Variants in TXK observed in about 807,000 individuals in gnomAD.
TXK encodes the protein TXK tyrosine kinase, also known as tyrosine-protein kinase TXK.
TXK carries 60 observed loss-of-function variants against 81.0 expected under a neutral mutation model. The observed-to-expected ratio is 0.74, with a 90% CI of 0.60 to 0.92. The LOEUF is 0.92. TXK is among the 40% of genes least tolerant of loss of function. The pLI, the probability that TXK is intolerant of heterozygous loss-of-function variation, is 0.00. For synonymous variants in TXK, 203 were observed against 210.7 expected, an observed-to-expected ratio of 0.96 and a Z score of 0.32; for missense variants, 581 against 638.3, an observed-to-expected ratio of 0.91 and a Z score of 0.97.
At chr4:48,125,020 GC>G (rs1288548202) in intron 1 of TXK, among the ~76,000 whole-genome samples, 16 of 152,262 alleles carry the variant, frequency 1.1e-4, no homozygotes, top group African/African-American at 3.9e-4. Flanking sequence ...TACCAACACA[GC>G]CCTTACCATA....
chr4:48,086,130 G>A (rs922900195), intron 10 of TXK, among the ~76,000 whole-genome samples: 5 of 152,206 alleles, frequency 3.3e-5, no homozygotes, highest in Admixed American at 2.0e-4. Context: ...AGCACACAGC[G>A]GCTGAGTAAA....
chr4:48,070,893 C>CT (rs11309334), intron 14 of TXK, among the ~76,000 whole-genome samples: 1,947 of 84,294 alleles, frequency 0.023, 17 homozygotes, highest in Non-Finnish European at 0.031. Context: ...TCATTTAATT[C>CT]TTTTTTTTTT....
chr4:48,071,736 G>T, intron 13 of TXK, 62 bp from the exon 14 acceptor site: 1 of 1,571,628 alleles, frequency 6.4e-7, no homozygotes, highest in Non-Finnish European at 8.7e-7. Flanking sequence ...GGAACTGAAA[G>T]AACAATTTCA....
At chr4:48,125,352 A>T (rs1719061205) in intron 1 of TXK, among the ~76,000 whole-genome samples, 1 of 152,200 alleles carries the variant, frequency 6.6e-6, no homozygotes, top group Non-Finnish European at 1.5e-5. Context: ...GCAACTATTT[A>T]TTGGGTACTC....
chr4:48,132,707 T>A (rs1380436181), intron 1 of TXK, among the ~76,000 whole-genome samples: 3 of 152,134 alleles, frequency 2.0e-5, no homozygotes, highest in Non-Finnish European at 2.9e-5. Flanking sequence ...CCCAGCACTT[T>A]GGGAGGCTGA....
At chr4:48,134,129 T>C (rs1719318381) in intron 1 of TXK, 26 bp downstream of exon 1, 2 of 1,611,798 alleles carry the variant, frequency 1.2e-6, no homozygotes, top group Non-Finnish European at 1.7e-6. Flanking sequence ...GCCCCAAAAA[T>C]AAATGACAAA....
intron 10 of TXK, among the ~76,000 whole-genome samples, chr4:48,083,722 A>G (rs1429180657): frequency 6.6e-6 from 1 of 152,188 alleles, no homozygotes; most frequent in African/African-American, 2.4e-5. Context: ...TCCTTTTAAC[A>G]CTCACCAGGT....
At chr4:48,098,179 T>C (rs1484470690) in intron 6 of TXK, among the ~76,000 whole-genome samples, 1 of 152,158 alleles carries the variant, frequency 6.6e-6, no homozygotes, top group Non-Finnish European at 1.5e-5. Flanking sequence ...TCAGTTTGTA[T>C]GTAAAAAATG....
intron 1 of TXK, among the ~76,000 whole-genome samples, chr4:48,115,674 C>T (rs941517376): frequency 6.6e-6 from 1 of 151,968 alleles, no homozygotes; most frequent in African/African-American, 2.4e-5. Flanking sequence ...TGGCAGAACC[C>T]CATGTCTACC....
intron 1 of TXK, among the ~76,000 whole-genome samples, chr4:48,128,449 A>C (rs1719150538): frequency 6.6e-6 from 1 of 151,682 alleles, no homozygotes; most frequent in Non-Finnish European, 1.5e-5. Flanking sequence ...CTGGGTGACC[A>C]GAGCTGATTC....
chr4:48,072,437 G>A (rs1290005972), intron 13 of TXK, among the ~76,000 whole-genome samples: 3 of 152,192 alleles, frequency 2.0e-5, no homozygotes, highest in Non-Finnish European at 4.4e-5. Flanking sequence ...GCCAGTAAAT[G>A]GCATGTGTCC....
intron 11 of TXK, among the ~76,000 whole-genome samples, chr4:48,078,936 AAAG>A (rs374672898): frequency 3.3e-5 from 5 of 152,362 alleles, no homozygotes; most frequent in Non-Finnish European, 2.9e-5. Flanking sequence ...GGAAGGAAAG[AAAG>A]AAGAAGGAAG....
intron 1 of TXK, among the ~76,000 whole-genome samples, chr4:48,129,381 G>A (rs1463639425): frequency 1.3e-5 from 2 of 152,092 alleles, no homozygotes; most frequent in East Asian, 1.9e-4. Flanking sequence ...CTTAAAGAAG[G>A]GAGGATAACT....
chr4:48,094,004 C>T (rs1007215815), intron 8 of TXK, 73 bp downstream of exon 8: 20 of 1,582,680 alleles, frequency 1.3e-5, no homozygotes, highest in Non-Finnish European at 1.6e-5. Flanking sequence ...CTGTTGAGTG[C>T]CTGATACCAA....
chr4:48,081,022 A>G (rs1052076703), intron 10 of TXK, among the ~76,000 whole-genome samples: 1 of 152,122 alleles, frequency 6.6e-6, no homozygotes, highest in Non-Finnish European at 1.5e-5. Flanking sequence ...ACTCATTACC[A>G]TAAAATTAGC....
intron 13 of TXK, among the ~76,000 whole-genome samples, chr4:48,072,022 C>T (rs1716882036): frequency 6.8e-6 from 1 of 147,936 alleles, no homozygotes; most frequent in South Asian, 2.1e-4. Context: ...GGCATGATCT[C>T]AGCTCACTGC....
chr4:48,094,703 A>G (rs1245641892), intron 7 of TXK, among the ~76,000 whole-genome samples: 1 of 152,194 alleles, frequency 6.6e-6, no homozygotes, highest in East Asian at 1.9e-4. Context: ...TTTATCCACC[A>G]ACTCCCATTC....
intron 13 of TXK, 126 bp from the exon 14 acceptor site, chr4:48,071,800 T>A: frequency 2.9e-6 from 3 of 1,032,990 alleles, no homozygotes; most frequent in Non-Finnish European, 4.2e-6. Flanking sequence ...CCATCCTGAA[T>A]AACAGCGGTT....
intron 8 of TXK, among the ~76,000 whole-genome samples, chr4:48,093,653 G>T (rs1717866136): frequency 6.6e-6 from 1 of 152,216 alleles, no homozygotes; most frequent in South Asian, 2.1e-4. Context: ...AAACAAGAAA[G>T]AACAGAGAGT....
Sources: gnomAD v4.1 joint callset for allele counts (sites outside exome capture counted in the v4.1 genomes callset) on GRCh38, gnomAD v4.1.1 for gene constraint, MANE v1.5 for transcripts, NCBI Gene and HGNC (gene_info 2026-07-23, HGNC 2026-07-21) for gene names.